The following MUCL3 variants were observed in gnomAD, a reference collection of about 807,000 sequenced individuals.
The protein encoded by MUCL3 is mucin like 3, also known as mucin-like protein 3.
MUCL3 carries 42 observed loss-of-function variants against 70.2 expected under a neutral mutation model. That is an observed-to-expected ratio of 0.60 (90% confidence interval 0.47 to 0.77). The LOEUF (loss-of-function observed/expected upper bound fraction) is 0.77, where lower values mean the gene tolerates loss of function less well. MUCL3 is among the 30% of genes least tolerant of loss of function. The probability of loss-of-function intolerance (pLI) is 0.00; values close to 1 mark genes in which losing one functional copy is unlikely to be tolerated. For synonymous variants in MUCL3, 522 were observed against 647.0 expected (o/e 0.81, Z 2.93); for missense variants, 1,429 against 1,670.0 (o/e 0.86, Z 2.52).
In MUCL3 at chr6:30,949,285, C is replaced by T; in HGVS notation, c.821C>T (p.Ser274Leu). 1 of 1,551,594 alleles carries T rather than the reference C, an allele frequency of 6.4e-7. No homozygotes were observed. The highest frequency in any genetic ancestry group is 8.7e-7 in the Non-Finnish European group (1 of 1,146,982). ...KTTKNIQETI[S>L]ANELTQSLAE... ...ACAAAAAACATACAAGAGACCATAT[C>T]AGCCAATGAGCTCACACAATCTCTA... is the stretch of plus-strand genomic sequence containing the variant. Residue 274 changes from serine to leucine, a missense_variant, in exon 2 of 3, where the codon TCA becomes TTA. Coordinates refer to ENST00000462446, the MANE Select transcript of MUCL3 (RefSeq NM_080870.4).
Position 30,949,926 on chromosome 6 carries a change from A to G in MUCL3, c.1462A>G (p.Asn488Asp), listed in dbSNP as rs1760538752. 6.4e-7 allele frequency: 1 copy of G among 1,550,836 alleles called. No homozygotes were observed. Among genetic ancestry groups the G allele is most frequent in the Admixed American group, 2.0e-5 (1 of 50,902 alleles). ...EPTENRETTA[N>D]EKTTPSPAEP... ...TACAGAAAATAGAGAAACAACAGCCAATGAGAAGACCACACCATCCCCAGC... is the reference window on the plus strand; with the variant it reads ...TACAGAAAATAGAGAAACAACAGCCGATGAGAAGACCACACCATCCCCAGC... Residue 488 changes from asparagine to aspartate, a missense_variant, in exon 2 of 3, where the codon AAT (asparagine) becomes GAT (aspartate). Transcript: ENST00000462446.
chr6:30,941,153 A>G (rs1326892910), intron 1 of MUCL3, 72 bp downstream of exon 1: 5 of 1,510,908 alleles, frequency 3.3e-6, no homozygotes, highest in Admixed American at 4.0e-5. Context: ...TGGACAACAA[A>G]TAGAAATGAA....
rs1562489625 is a variant in MUCL3 at position 30,949,231 on chromosome 6, T to C, written c.767T>C (p.Val256Ala). 3.2e-6 allele frequency: 5 copies of C among 1,550,752 alleles called. No homozygotes were observed. Among genetic ancestry groups the C allele is most frequent in the Non-Finnish European group, 3.5e-6 (4 of 1,146,826 alleles). The change falls in exon 2 of 3, where the codon GTT (valine) becomes GCT (alanine). Residue 256 changes from valine to alanine, a missense_variant. Val to Ala is a moderately conservative substitution (Grantham distance 64). Transcript: ENST00000462446. ...SEKTEDSRTT[V>A]ASDKLLTKTT... ...AAAACTGAAGATTCCAGAACAACAGTTGCCTCAGACAAGCTCCTGACAAAA... is the reference window on the plus strand; with the variant it reads ...AAAACTGAAGATTCCAGAACAACAGCTGCCTCAGACAAGCTCCTGACAAAA...
Position 30,950,972 on chromosome 6 carries a change from AT to A in MUCL3, c.2510del (p.Phe837SerfsTer49), listed in dbSNP as rs1460932404. 6.5e-7 allele frequency: 1 copy of A among 1,548,480 alleles called. No homozygotes were observed. Among genetic ancestry groups the A allele is most frequent in the Non-Finnish European group, 8.7e-7 (1 of 1,146,500 alleles). On this transcript the variant is annotated frameshift_variant, in exon 2 of 3. Transcript: ENST00000462446. LOFTEE classifies it high-confidence loss of function. Reference protein sequence around the residue: ...ERTANEKTTQFPAEPTENRES... With the variant: ...ERTANEKTTQXPAEPTENRES... ...GGACAGCCAATGAGAAGACCACACA[AT>A]TCCCAGCAGAGCCTACAGAAAATAG...
intron 2 of MUCL3, 131 bp downstream of exon 2, chr6:30,952,630 G>A: frequency 2.8e-6 from 3 of 1,069,820 alleles, no homozygotes; most frequent in Non-Finnish European, 3.9e-6. Flanking sequence ...AACAGTAATA[G>A]AGGGAGAGTT....
Position 30,952,045 on chromosome 6 carries a change from C to A in MUCL3, c.3581C>A (p.Thr1194Asn). The A allele has an allele frequency of 6.2e-7, 1 of 1,611,218 alleles. No homozygotes were observed. Among genetic ancestry groups the A allele is most frequent in the Non-Finnish European group, 8.5e-7 (1 of 1,179,542 alleles). ...AAGCCTACGCTATACTCAGAGAAGA[C>A]CATATGCACCAAAGGGAAAAACACA... ...PEKPTLYSEKTICTKGKNTPV... is the reference protein window; with the variant it reads ...PEKPTLYSEKNICTKGKNTPV... The change falls in exon 2 of 3, where the codon ACC becomes AAC. Residue 1194 changes from threonine (T) to asparagine (N), a missense_variant. Physicochemically the swap from Thr to Asn is moderately conservative, Grantham distance 65. Coordinates refer to ENST00000462446, the MANE Select transcript of MUCL3 (RefSeq NM_080870.4).
chr6:30,946,396 T>A (rs1272019247), intron 1 of MUCL3: 1 of 152,260 alleles, frequency 6.6e-6, no homozygotes, highest in African/African-American at 2.4e-5. Flanking sequence ...GGACCGAGCC[T>A]GGATGTCAAA....
Position 30,948,638 on chromosome 6 carries a change from C to T in MUCL3, c.174C>T (p.Ile58=). The change falls in exon 2 of 3, where the codon ATC becomes ATT. Residue 58 remains isoleucine (I), a synonymous_variant. Coordinates refer to ENST00000462446, the MANE Select transcript of MUCL3 (RefSeq NM_080870.4). The part of the protein sequence containing the change: ...FPLTPGLVYS[I]PFDHIVLHSG... Reference sequence around the variant, plus strand: ...TCACTCCAGGCCTTGTTTATAGTATCCCTTTTGATCACATTGTTCTGCATT... The same window carrying T: ...TCACTCCAGGCCTTGTTTATAGTATTCCTTTTGATCACATTGTTCTGCATT... The T allele has an allele frequency of 6.4e-7, 1 of 1,551,662 alleles. No homozygotes were observed. Among genetic ancestry groups the T allele is most frequent in the Non-Finnish European group, 8.7e-7 (1 of 1,146,976 alleles).
At position 30,951,314 on chromosome 6, in the gene MUCL3, C is replaced by T; in HGVS notation, c.2850C>T (p.Ala950=). 6.5e-7 allele frequency: 1 copy of T among 1,547,548 alleles called. No homozygotes were observed. Among genetic ancestry groups the T allele is most frequent in the Non-Finnish European group, 8.7e-7 (1 of 1,145,884 alleles). The change falls in exon 2 of 3, where the codon GCC becomes GCT. Residue 950 remains alanine, a synonymous_variant. Transcript: ENST00000462446. ...CTACAGAACATGGAGAAAGGATAGCCAATGAGAAGGCCACACCATCCCCAG... is the reference window on the plus strand; with the variant it reads ...CTACAGAACATGGAGAAAGGATAGCTAATGAGAAGGCCACACCATCCCCAG... ...AEPTEHGERI[A]NEKATPSPAK...
chr6:30,952,969 A>C lies in MUCL3; in HGVS notation c.4036-2A>C. 1 of 1,613,706 alleles carries C rather than the reference A, an allele frequency of 6.2e-7. No homozygotes were observed. The highest frequency in any genetic ancestry group is 8.5e-7 in the Non-Finnish European group (1 of 1,179,874). On this transcript the variant is annotated splice_acceptor_variant, in intron 2 of 2. Coordinates refer to ENST00000462446, the MANE Select transcript of MUCL3 (RefSeq NM_080870.4). LOFTEE classifies it high-confidence loss of function. ...ATTCCTCCTTTCTCATCCCAATCAC[A>C]GGTCTCCTATATGATGCGGACACGC...
intron 1 of MUCL3, among the ~76,000 whole-genome samples, chr6:30,942,292 G>A (rs776123212): frequency 1.3e-3 from 131 of 103,088 alleles, no homozygotes; most frequent in Admixed American, 2.0e-3. Context: ...GTCAAGAAAC[G>A]GACTGCTACT....
Position 30,953,473 on chromosome 6 carries a change from C to T in MUCL3, c.*356C>T, listed in dbSNP as rs1760817330. ...GGAGCCTTATAGGCAATGCCCCAGA[C>T]TGACTTGTGAGTGGGGTTTATGGGG... On this transcript the variant is annotated 3_prime_UTR_variant, in exon 3 of 3. Transcript: ENST00000462446. The T allele has an allele frequency of 3.6e-6, 1 of 278,576 alleles. No homozygotes were observed. Among genetic ancestry groups the T allele is most frequent in the Non-Finnish European group, 6.8e-6 (1 of 147,890 alleles). 17.3% of individuals were successfully genotyped at this position (278,576 alleles called of 1,614,324 possible). A position where few individuals can be genotyped will look rare whatever the true frequency, so the allele number is the denominator to read the frequency against.
rs780795216 is a variant in MUCL3 at position 30,953,110 on chromosome 6, C to T, written c.4175C>T (p.Pro1392Leu). 1.9e-6 allele frequency: 3 copies of T among 1,614,118 alleles called. No homozygotes were observed. Among genetic ancestry groups the T allele is most frequent in the Non-Finnish European group, 2.5e-6 (3 of 1,180,014 alleles). ...CTTGGCATGGGCCAGATCCCTTCCC[C>T]ACGGTGATCTTGGAGTAGGCGCCCA... ...QNLGMGQIPSPR is the reference protein window; with the variant it reads ...QNLGMGQIPSLR The change falls in exon 3 of 3, where the codon CCA (proline) becomes CTA (leucine). Residue 1392 changes from proline (P) to leucine (L), a missense_variant. Transcript: ENST00000462446.
At chr6:30,947,164 C>T (rs778342847) in intron 1 of MUCL3, among the ~76,000 whole-genome samples, 1 of 152,048 alleles carries the variant, frequency 6.6e-6, no homozygotes, top group Non-Finnish European at 1.5e-5. Flanking sequence ...ATCCTGGGGC[C>T]GGGGAAGGTG....
At position 30,948,976 on chromosome 6, in the gene MUCL3, C is replaced by T. The variant is rs765534996; in HGVS notation, c.512C>T (p.Ser171Phe). The T allele has an allele frequency of 1.5e-5, 24 of 1,551,500 alleles. No homozygotes were observed. The highest frequency in any genetic ancestry group is 5.9e-5 in the Admixed American group (3 of 50,962). The change falls in exon 2 of 3, where the codon TCC becomes TTC. Residue 171 changes from serine to phenylalanine, a missense_variant. Transcript: ENST00000462446. ...AAGAGCAAAATAAACTGTCGTAAGTCCACAACAGGCAAATCAACGGTAACA... is the reference window on the plus strand; with the variant it reads ...AAGAGCAAAATAAACTGTCGTAAGTTCACAACAGGCAAATCAACGGTAACA... ...APKSKINCRK[S>F]TTGKSTVTRK...
intron 1 of MUCL3, 70 bp from the exon 2 acceptor site, chr6:30,948,477 A>C: frequency 1.7e-6 from 2 of 1,211,706 alleles, no homozygotes; most frequent in Non-Finnish European, 2.3e-6. Context: ...TCCCCTAGAG[A>C]AGGAGGTGGG....
intron 1 of MUCL3, chr6:30,946,034 G>A (rs114403155): frequency 0.021 from 3,270 of 152,360 alleles, 86 homozygotes; most frequent in African/African-American, 0.062. Context: ...GATGAGTGCT[G>A]TGTTATTAAA....
At chr6:30,941,768 C>T (rs904929284) in intron 1 of MUCL3, among the ~76,000 whole-genome samples, 1 of 152,148 alleles carries the variant, frequency 6.6e-6, no homozygotes, top group Non-Finnish European at 1.5e-5. Flanking sequence ...AGAGACTCAT[C>T]TCATTTCATC....
intron 2 of MUCL3, 135 bp from the exon 3 acceptor site, chr6:30,952,836 T>C (rs1242862717): frequency 2.4e-6 from 3 of 1,236,456 alleles, no homozygotes; most frequent in Admixed American, 5.0e-5. Flanking sequence ...CTGGGACTCA[T>C]TGTATTGGAC....
Sources: gnomAD v4.1 joint callset for allele counts (sites outside exome capture counted in the v4.1 genomes callset) on GRCh38, gnomAD v4.1.1 for gene constraint, MANE v1.5 for transcripts, NCBI Gene and HGNC (gene_info 2026-07-23, HGNC 2026-07-21) for gene names.